Variants in PCK2 observed in about 807,000 individuals in gnomAD.
PCK2 encodes the protein phosphoenolpyruvate carboxykinase 2, mitochondrial.
PCK2 carries 56 observed loss-of-function variants against 65.9 expected under a neutral mutation model. That is an observed-to-expected ratio of 0.85 (90% CI 0.69 to 1.06). The LOEUF is 1.06. Among genes scored for constraint, PCK2 ranks in the 50% least tolerant of loss-of-function variants. The pLI is 0.00. For missense variants in PCK2, 843 were observed against 863.1 expected, an observed-to-expected ratio of 0.98 and a Z score of 0.29; for synonymous variants, 305 against 319.6, an observed-to-expected ratio of 0.95 and a Z score of 0.49.
At position 24,094,859 on chromosome 14, in the gene PCK2, G is replaced by A. The variant is rs1405999336; in HGVS notation, c.29+425G>A. ...CTGGGGACAAGGGTACGTGAGCCCC[G>A]GGAGACTAAGCTCAGAGCCCCCTAA... On this transcript the variant is annotated intron_variant, in intron 1 of 9. Coordinates refer to ENST00000216780, the MANE Select transcript of PCK2 (RefSeq NM_004563.4). The surrounding 1 kb of genome is among the most constrained non-coding windows in gnomAD (Gnocchi z 4.1). The A allele has an allele frequency of 5.4e-6, 7 of 1,304,272 alleles. No homozygotes were observed. The highest frequency in any genetic ancestry group is 3.0e-5 in the African/African-American group (2 of 66,482). The allele number at this position is 1,304,272 out of a possible 1,614,324, so 80.8% of individuals were successfully genotyped here.
Position 24,098,555 on chromosome 14 carries a change from T to G in PCK2, c.541T>G (p.Ser181Ala). ...CCGCATCGGGGTGCAGCTCACTGAC[T>G]CAGCCTATGTGGTGGCAAGCATGCG... The part of the protein sequence containing the change: ...LSRIGVQLTD[S>A]AYVVASMRIM... Residue 181 changes from serine to alanine, a missense_variant, in exon 4 of 10, where the codon TCA becomes GCA. Coordinates refer to ENST00000216780, the MANE Select transcript of PCK2 (RefSeq NM_004563.4). 1.2e-6 allele frequency: 2 copies of G among 1,614,192 alleles called. No homozygotes were observed. Among genetic ancestry groups the G allele is most frequent in the Non-Finnish European group, 1.7e-6 (2 of 1,180,022 alleles).
intron 6 of PCK2, 89 bp downstream of exon 6, chr14:24,099,809 G>A (rs765806041): frequency 6.6e-7 from 1 of 1,521,436 alleles, no homozygotes; most frequent in Admixed American, 1.7e-5. Context: ...CTTTGTCAGT[G>A]AGAAAGTTTC....
chr14:24,100,346 C>G, intron 7 of PCK2, 133 bp downstream of exon 7: 1 of 1,477,352 alleles, frequency 6.8e-7, no homozygotes, highest in South Asian at 1.4e-5. Context: ...TTTGCAGTTT[C>G]CAGTCCCAGG....
Position 24,098,491 on chromosome 14 carries a change from G to A in PCK2, c.477G>A (p.Val159=). Residue 159 remains valine (V), a synonymous_variant, in exon 4 of 10, where the codon GTG becomes GTA. Transcript: ENST00000216780. ...CCTCCACAGGCCGCACCATGTATGT[G>A]CTTCCATTCAGCATGGGTCCTGTGG... ...PGCMQGRTMY[V]LPFSMGPVGS... The A allele has an allele frequency of 1.2e-6, 2 of 1,614,088 alleles. No homozygotes were observed. The highest frequency in any genetic ancestry group is 1.7e-6 in the Non-Finnish European group (2 of 1,180,002).
chr14:24,101,445 G>T (rs1181725229), intron 7 of PCK2, among the ~76,000 whole-genome samples: 1 of 152,202 alleles, frequency 6.6e-6, no homozygotes, highest in Non-Finnish European at 1.5e-5. Context: ...ACACAGTGGT[G>T]CTTCATACAT....
chr14:24,096,948 C>A lies in PCK2; in HGVS notation c.86C>A (p.Thr29Asn). Residue 29 changes from threonine (T) to asparagine (N), a missense_variant, in exon 2 of 10, where the codon ACC (threonine) becomes AAC (asparagine). Physicochemically the swap from Thr to Asn is moderately conservative, Grantham distance 65 (BLOSUM62 0). Coordinates refer to ENST00000216780, the MANE Select transcript of PCK2 (RefSeq NM_004563.4). ...TGGCCATCATGCCGTAGCATCCAGACCCTGCGAGTGCTTAGTGGAGATCTG... is the reference window on the plus strand; with the variant it reads ...TGGCCATCATGCCGTAGCATCCAGAACCTGCGAGTGCTTAGTGGAGATCTG... ...LGWPSCRSIQ[T>N]LRVLSGDLGQ... The A allele has an allele frequency of 6.2e-7, 1 of 1,613,506 alleles. No homozygotes were observed. Among genetic ancestry groups the A allele is most frequent in the Non-Finnish European group, 8.5e-7 (1 of 1,179,552 alleles).
At chr14:24,099,533 T>C in intron 5 of PCK2, 25 bp from the exon 6 acceptor site, 2 of 1,554,000 alleles carry the variant, frequency 1.3e-6, no homozygotes, top group South Asian at 1.3e-5. Context: ...ACCTCTTTCT[T>C]ATTCCCTCTC....
At chr14:24,099,925 G>A (rs769700995) in intron 6 of PCK2, 70 bp from the exon 7 acceptor site, 1 of 1,613,598 alleles carries the variant, frequency 6.2e-7, no homozygotes. Flanking sequence ...GGGTGGAGCA[G>A]GACCTTCTTT....
chr14:24,099,548 C>T lies in PCK2; in HGVS notation c.853-10C>T. On this transcript the variant is annotated splice_polypyrimidine_tract_variant and intron_variant, in intron 5 of 9. Transcript: ENST00000216780. ...ACCTCTTTCTTATTCCCTCTCTCCC[C>T]AATGCACAGATCCTGGGCATCACCA... is the stretch of plus-strand genomic sequence containing the variant. 1 of 1,576,710 alleles carries T rather than the reference C, an allele frequency of 6.3e-7. No homozygotes were observed. The highest frequency in any genetic ancestry group is 8.6e-7 in the Non-Finnish European group (1 of 1,161,750).
Position 24,098,663 on chromosome 14 carries a change from C to T in PCK2, c.649C>T (p.Pro217Ser), listed in dbSNP as rs1305335595. The T allele has an allele frequency of 1.9e-6, 3 of 1,613,658 alleles. No homozygotes were observed. Among genetic ancestry groups the T allele is most frequent in the Non-Finnish European group, 1.7e-6 (2 of 1,179,914 alleles). ...CAAGTGTCTGCACTCCGTGGGCCAG[C>T]CCCTGACAGGACAAGGTAAGCACCT... is the stretch of plus-strand genomic sequence containing the variant. ...FVKCLHSVGQ[P>S]LTGQGEPVSQ... Residue 217 changes from proline (P) to serine (S), a missense_variant, in exon 4 of 10, where the codon CCC (proline) becomes TCC (serine). Physicochemically the swap from Pro to Ser is moderately conservative, Grantham distance 74. Transcript: ENST00000216780.
intron 7 of PCK2, 190 bp downstream of exon 7, chr14:24,100,403 A>G: frequency 7.6e-7 from 1 of 1,311,444 alleles, no homozygotes; most frequent in Non-Finnish European, 1.0e-6. Context: ...TGGTTTTGTG[A>G]TCTGGCTAAG....
chr14:24,099,196 G>C lies in PCK2; in HGVS notation c.812G>C (p.Arg271Pro), dbSNP rs145832168. ...KKCFALRIAS[R>P]LARDEGWLAE... ...TGCTTTGCCCTACGCATCGCCTCTC[G>C]GCTGGCCCGGGATGAGGGCTGGCTG... is the stretch of plus-strand genomic sequence containing the variant. Residue 271 changes from arginine to proline, a missense_variant, in exon 5 of 10, where the codon CGG (arginine) becomes CCG (proline). By Grantham distance (103) the Arg-to-Pro change is moderately radical. Coordinates refer to ENST00000216780, the MANE Select transcript of PCK2 (RefSeq NM_004563.4). The C allele has an allele frequency of 2.1e-5, 33 of 1,603,468 alleles. No homozygotes were observed. The Admixed American group carries it at 2.7e-4, about 13-fold the overall frequency.
chr14:24,097,253 T>C, intron 2 of PCK2, 116 bp downstream of exon 2: 1 of 988,534 alleles, frequency 1.0e-6, no homozygotes, highest in Non-Finnish European at 1.5e-6. Context: ...ATGAGAGCTT[T>C]GGGGTAAACA....
intron 4 of PCK2, 108 bp downstream of exon 4, chr14:24,098,786 C>A: frequency 1.1e-6 from 1 of 946,942 alleles, no homozygotes; most frequent in Non-Finnish European, 1.6e-6. Flanking sequence ...TCTCTGGCAA[C>A]CTAATTCCCA....
rs769558514 is a variant in PCK2, at chr14:24,096,935, C to T, written c.73C>T (p.Arg25Cys). The stretch of plus-strand genomic sequence containing the variant: ...GAGCCCCTTGGGCTGGCCATCATGC[C>T]GTAGCATCCAGACCCTGCGAGTGCT... ...GLSPLGWPSC[R>C]SIQTLRVLSG... Residue 25 changes from arginine (R) to cysteine (C), a missense_variant, in exon 2 of 10, where the codon CGT (arginine) becomes TGT (cysteine). Arg to Cys is a radical substitution (Grantham distance 180, BLOSUM62 -3). Transcript: ENST00000216780. The T allele has an allele frequency of 2.0e-5, 33 of 1,613,414 alleles. No individual in the cohort carries two copies. The highest frequency in any genetic ancestry group is 4.0e-5 in the African/African-American group (3 of 74,876).
In PCK2 at chr14:24,094,589, C is replaced by T; in HGVS notation, c.29+155C>T. 4 of 1,451,384 alleles carry T rather than the reference C, an allele frequency of 2.8e-6. No individual in the cohort carries two copies. The highest frequency in any genetic ancestry group is 2.7e-6 in the Non-Finnish European group (3 of 1,105,314). The allele number at this position is 1,451,384 out of a possible 1,614,324, so 89.9% of individuals were successfully genotyped here. ...ACTGCTGTGGGTCCAGCCTCCCGCG[C>T]CGCGCGTCTCTTGGGAGGGCAGCCG... On this transcript the variant is annotated intron_variant, in intron 1 of 9. Coordinates refer to ENST00000216780, the MANE Select transcript of PCK2 (RefSeq NM_004563.4). This position sits in a 1 kb window ranked among gnomAD's most constrained non-coding sequence, Gnocchi z 4.1.
rs1254803041 is a variant in PCK2 at position 24,102,820 on chromosome 14, G to A, written c.1302G>A (p.Met434Ile). The A allele has an allele frequency of 6.2e-7, 1 of 1,613,820 alleles. No homozygotes were observed. Among genetic ancestry groups the A allele is most frequent in the East Asian group, 2.2e-5 (1 of 44,896 alleles). Residue 434 changes from methionine to isoleucine, a missense_variant, in exon 8 of 10, where the codon ATG (methionine) becomes ATA (isoleucine). Transcript: ENST00000216780. ...CCCCGGCTCGCCAGTGCCCCATCAT[G>A]GACCCAGCCTGGGAGGCCCCAGAGG... ...FCAPARQCPI[M>I]DPAWEAPEGV...
intron 9 of PCK2, 51 bp from the exon 10 acceptor site, chr14:24,103,459 C>CT: frequency 6.7e-7 from 1 of 1,486,074 alleles, no homozygotes; most frequent in Non-Finnish European, 9.1e-7. Context: ...GGGTGCCCTT[C>CT]CCTACCCCAG....
chr14:24,099,852 A>C, intron 6 of PCK2, 132 bp downstream of exon 6: 1 of 1,548,026 alleles, frequency 6.5e-7, no homozygotes. Context: ...TTCCTCTGGC[A>C]GCCCAGCCAC....
Sources: allele counts gnomAD v4.1 joint callset (sites outside exome capture counted in the v4.1 genomes callset), GRCh38; gene constraint gnomAD v4.1.1; non-coding constraint Gnocchi (gnomAD v3.1); transcripts MANE v1.5; gene names NCBI Gene and HGNC (gene_info 2026-07-23, HGNC 2026-07-21).